EVC2: variants seen among roughly 807,000 people sequenced by gnomAD.
EVC2 encodes EvC ciliary complex subunit 2, also known as limbin.
Under a neutral mutation model 149.3 loss-of-function variants are expected in EVC2, and 148 were observed. The observed-to-expected ratio is 0.99, with a 90% CI of 0.87 to 1.14. The LOEUF (loss-of-function observed/expected upper bound fraction) is 1.14, where lower values mean the gene tolerates loss of function less well. Ranked by LOEUF, EVC2 falls within the 50% of genes most tolerant of loss-of-function variation. The pLI is 0.00. For missense variants in EVC2, 1,854 were observed against 1,627.3 expected, an observed-to-expected ratio of 1.14 and a Z score of -2.40; for synonymous variants, 776 against 649.9, an observed-to-expected ratio of 1.19 and a Z score of -2.95.
intron 8 of EVC2, 125 bp downstream of exon 8, chr4:5,665,390 T>A: frequency 6.9e-7 from 1 of 1,443,514 alleles, no homozygotes; most frequent in Non-Finnish European, 9.6e-7. Context: ...GCCCTGGGCA[T>A]GGGTTTTTGT....
intron 9 of EVC2, among the ~76,000 whole-genome samples, chr4:5,653,559 C>T (rs78863801): frequency 0.039 from 5,908 of 152,178 alleles, 359 homozygotes; most frequent in African/African-American, 0.13. Flanking sequence ...GGTAAGGTCA[C>T]GGTAAAAAGT....
At chr4:5,628,949 C>A (rs1716331553) in intron 11 of EVC2, among the ~76,000 whole-genome samples, 1 of 152,100 alleles carries the variant, frequency 6.6e-6, no homozygotes, top group Admixed American at 6.5e-5. Flanking sequence ...GCATTCTAGA[C>A]CCAGATGGTA....
chr4:5,610,422 C>T lies in EVC2; in HGVS notation c.2829+5000G>A, dbSNP rs182242299. On this transcript the variant is annotated intron_variant, in intron 16 of 21. Transcript: ENST00000344408. ...CTTCAATCAGTGCATAAGACAAAAA[C>T]GAAATCTAAATCACCCTTGGAAACA... is the stretch of plus-strand genomic sequence containing the variant. 7.2e-5 allele frequency among the ~76,000 whole-genome samples: 11 copies of T among 152,282 alleles called. No homozygotes were observed. The East Asian group carries it at 9.7e-4, about 13-fold the overall frequency.
chr4:5,654,720 C>T (rs1206171171), intron 9 of EVC2, among the ~76,000 whole-genome samples: 14 of 152,176 alleles, frequency 9.2e-5, no homozygotes, highest in Admixed American at 7.9e-4. Flanking sequence ...GGTTAATCCA[C>T]GTCCAGGGGT....
At chr4:5,608,667 G>A (rs151211678) in intron 16 of EVC2, among the ~76,000 whole-genome samples, 199 of 152,148 alleles carry the variant, frequency 1.3e-3, no homozygotes, top group African/African-American at 4.4e-3. Flanking sequence ...CCAAGTAGCT[G>A]GGATTACAAG....
Position 5,670,862 on chromosome 4 carries a change from T to G in EVC2, c.871-5213A>C, listed in dbSNP as rs1036548686. ...ATCATCAATATCCCCATCACCACCA[T>G]CATTATCAACATCATCAATATCCCC... On this transcript the variant is annotated intron_variant, in intron 7 of 21. Coordinates refer to ENST00000344408, the MANE Select transcript of EVC2 (RefSeq NM_147127.5). This position sits in a 1 kb window ranked among gnomAD's most constrained non-coding sequence, Gnocchi z 5.2. Among the ~76,000 whole-genome samples the G allele has an allele frequency of 2.0e-5, 3 of 151,276 alleles. No individual in the cohort carries two copies. The highest frequency in any genetic ancestry group is 4.4e-5 in the Non-Finnish European group (3 of 67,842).
intron 19 of EVC2, among the ~76,000 whole-genome samples, chr4:5,572,872 C>CTTCA: frequency 6.6e-6 from 1 of 152,252 alleles, no homozygotes; most frequent in South Asian, 2.1e-4. Flanking sequence ...TGGTCATCTG[C>CTTCA]TTCAGATCCT....
chr4:5,674,407 G>A (rs1560214883), intron 7 of EVC2, among the ~76,000 whole-genome samples: 1 of 152,134 alleles, frequency 6.6e-6, no homozygotes, highest in South Asian at 2.1e-4. Flanking sequence ...ATGAGAAAGT[G>A]GGACTAGATA....
At chr4:5,623,127 G>C in intron 13 of EVC2, 136 bp from the exon 14 acceptor site, 1 of 908,732 alleles carries the variant, frequency 1.1e-6, no homozygotes, top group African/African-American at 1.7e-5. Context: ...AAGTTATTCT[G>C]GTTTTTTGTT....
Position 5,681,110 on chromosome 4 carries a change from GA to G in EVC2, c.870+149del, listed in dbSNP as rs942623277. 5 of 867,810 alleles carry G rather than the reference GA, an allele frequency of 5.8e-6. No individual in the cohort carries two copies. In the African/African-American group the frequency reaches 6.6e-5, roughly 12 times the overall value. 53.8% of individuals were successfully genotyped at this position (867,810 alleles called of 1,614,324 possible). On this transcript the variant is annotated intron_variant, in intron 7 of 21. Transcript: ENST00000344408. Reference sequence around the variant, plus strand: ...TCAGATAGCCTCAGGGCACACGGGGGACCCGAGAGACTGCACAGAGTCCCAG... The same window carrying G: ...TCAGATAGCCTCAGGGCACACGGGGGCCCGAGAGACTGCACAGAGTCCCAG...
chr4:5,532,644 C>G, the EVC2 span, among the ~76,000 whole-genome samples: 1 of 152,154 alleles, frequency 6.6e-6, no homozygotes, highest in Non-Finnish European at 1.5e-5. Flanking sequence ...CTGTCCTTGT[C>G]CTCTCCCCAG....
intron 19 of EVC2, among the ~76,000 whole-genome samples, chr4:5,573,239 C>T (rs928803659): frequency 4.6e-5 from 7 of 152,104 alleles, no homozygotes; most frequent in Admixed American, 2.0e-4. Flanking sequence ...GGGTACTTTG[C>T]AAGTGGGAGT....
intron 18 of EVC2, among the ~76,000 whole-genome samples, chr4:5,575,282 A>T (rs926379613): frequency 1.3e-5 from 2 of 152,200 alleles, no homozygotes; most frequent in African/African-American, 4.8e-5. Context: ...TTCCTGGCTA[A>T]TACACCCCAG....
intron 11 of EVC2, among the ~76,000 whole-genome samples, chr4:5,629,168 G>A (rs1432624880): frequency 6.6e-6 from 1 of 152,182 alleles, no homozygotes; most frequent in Non-Finnish European, 1.5e-5. Flanking sequence ...AAACCAGGAT[G>A]GGCACAAAGA....
At chr4:5,645,799 A>T (rs1410622333) in intron 9 of EVC2, among the ~76,000 whole-genome samples, 2 of 152,144 alleles carry the variant, frequency 1.3e-5, no homozygotes, top group African/African-American at 4.8e-5. Context: ...TGCTGGGTTG[A>T]ATAGTAGTTC....
At chr4:5,706,178 T>C (rs1373201616) in intron 1 of EVC2, among the ~76,000 whole-genome samples, 1 of 151,704 alleles carries the variant, frequency 6.6e-6, no homozygotes, top group Non-Finnish European at 1.5e-5. Context: ...ACCTCCTTCC[T>C]CCACCCTCTC....
intron 19 of EVC2, among the ~76,000 whole-genome samples, chr4:5,570,926 T>C (rs1312739020): frequency 6.6e-6 from 1 of 152,052 alleles, no homozygotes; most frequent in African/African-American, 2.4e-5. Flanking sequence ...TTCTCACTTA[T>C]GAGGAGGAGC....
At chr4:5,546,327 A>AT (rs1721621735) in intron 21 of EVC2, among the ~76,000 whole-genome samples, 1 of 152,232 alleles carries the variant, frequency 6.6e-6, no homozygotes, top group Admixed American at 6.5e-5. Flanking sequence ...ATGTCCAACA[A>AT]CGATAGACTG....
chr4:5,694,485 T>G lies in EVC2; in HGVS notation c.300A>C (p.Gly100=). The G allele has an allele frequency of 6.2e-7, 1 of 1,614,222 alleles. No homozygotes were observed. Among genetic ancestry groups the G allele is most frequent in the Non-Finnish European group, 8.5e-7 (1 of 1,180,034 alleles). The part of the protein sequence containing the change: ...HFKTAVEAPL[G]MKLDKKMEVF... ...CTTCCATTTTCTTGTCCAATTTCAT[T>G]CCAAGTGGTGCTTCCACTGCAAAAC... is the stretch of plus-strand genomic sequence containing the variant. Residue 100 remains glycine, a synonymous_variant, in exon 3 of 22, where the codon GGA becomes GGC. Transcript: ENST00000344408.
Sources: gnomAD v4.1 joint callset for allele counts (sites outside exome capture counted in the v4.1 genomes callset) on GRCh38, gnomAD v4.1.1 for gene constraint, Gnocchi (gnomAD v3.1) non-coding constraint, MANE v1.5 for transcripts, NCBI Gene and HGNC (gene_info 2026-07-23, HGNC 2026-07-21) for gene names.